ANKRD27: variants seen among roughly 807,000 people sequenced by gnomAD.
The protein encoded by ANKRD27 is ankyrin repeat domain-containing protein 27.
ANKRD27 carries 112 observed loss-of-function variants against 129.7 expected under a neutral mutation model. That is an observed-to-expected ratio of 0.86 (90% confidence interval 0.74 to 1.01). The LOEUF is 1.01. ANKRD27 is among the 50% of genes least tolerant of loss of function. The probability of loss-of-function intolerance (pLI) is 0.00; values close to 1 mark genes in which losing one functional copy is unlikely to be tolerated. For synonymous variants in ANKRD27, 516 were observed against 511.2 expected (o/e 1.01, Z -0.13); for missense variants, 1,258 against 1,300.5 (o/e 0.97, Z 0.50).
chr19:32,618,959 A>C (rs948994697), intron 20 of ANKRD27, among the ~76,000 whole-genome samples: 2 of 152,224 alleles, frequency 1.3e-5, no homozygotes, highest in African/African-American at 4.8e-5. Flanking sequence ...GCGGACTTCT[A>C]CATGACCTGA....
At position 32,644,488 on chromosome 19, in the gene ANKRD27, G is replaced by C. The variant is rs1247021076; in HGVS notation, c.371-9C>G. ...GGGTGCCAAAGGCTCTTCTGAAAAA[G>C]AAACAAACAGGTCAGGCCGGCTGAA... On this transcript the variant is annotated splice_polypyrimidine_tract_variant and intron_variant, in intron 4 of 28. Coordinates refer to ENST00000306065, the MANE Select transcript of ANKRD27 (RefSeq NM_032139.3). 1.2e-6 allele frequency: 2 copies of C among 1,612,418 alleles called. No homozygotes were observed. The highest frequency in any genetic ancestry group is 1.3e-5 in the African/African-American group (1 of 75,034).
At chr19:32,656,054 GA>G (rs1302268969) in intron 2 of ANKRD27, among the ~76,000 whole-genome samples, 9 of 35,672 alleles carry the variant, frequency 2.5e-4, no homozygotes, top group African/African-American at 9.2e-4. Context: ...AGAAAGAAAA[GA>G]AAGAAAAGAA....
intron 22 of ANKRD27, among the ~76,000 whole-genome samples, chr19:32,613,709 T>A (rs1217014466): frequency 6.7e-6 from 1 of 148,694 alleles, no homozygotes; most frequent in Non-Finnish European, 1.5e-5. Flanking sequence ...TATGTAACTT[T>A]TTTTTTTTTT....
At position 32,646,446 on chromosome 19, in the gene ANKRD27, T is replaced by C. The variant is rs1400710360; in HGVS notation, c.370+13A>G. 6.3e-7 allele frequency: 1 copy of C among 1,586,538 alleles called. No homozygotes were observed. The highest frequency in any genetic ancestry group is 1.1e-5 in the South Asian group (1 of 87,474). ...TCTAAAACAGGAGAAAAAGGTTTTT[T>C]CTCCCAGAATACCTGAACTCTCTCT... On this transcript the variant is annotated intron_variant, in intron 4 of 28. Transcript: ENST00000306065.
rs920173497 is a variant in ANKRD27, at chr19:32,621,384, T to C, written c.1827+1038A>G. 9.8e-5 allele frequency among the ~76,000 whole-genome samples: 15 copies of C among 152,328 alleles called. No individual in the cohort carries two copies. The South Asian group carries it at 3.1e-3, about 32-fold the overall frequency. On this transcript the variant is annotated intron_variant, in intron 18 of 28. Coordinates refer to ENST00000306065, the MANE Select transcript of ANKRD27 (RefSeq NM_032139.3). The stretch of plus-strand genomic sequence containing the variant: ...ACTCACACCTGTAATCCCAGTACTT[T>C]GGGAGGCCAAGGTGGGTGGATCACC...
chr19:32,654,658 T>TC (rs1254240393), intron 2 of ANKRD27, among the ~76,000 whole-genome samples: 1 of 80,200 alleles, frequency 1.2e-5, no homozygotes, highest in Non-Finnish European at 2.8e-5. Context: ...CCTCCCTGAT[T>TC]CTTTTTTTCT....
chr19:32,669,959 G>A (rs1967834987), intron 1 of ANKRD27, among the ~76,000 whole-genome samples: 1 of 149,562 alleles, frequency 6.7e-6, no homozygotes, highest in Admixed American at 6.7e-5. Context: ...TGGCGCCACT[G>A]CACTCCAGCC....
In ANKRD27 at chr19:32,643,362, C is replaced by A. The variant is rs772324002; in HGVS notation, c.640-10G>T. 1.2e-6 allele frequency: 2 copies of A among 1,613,922 alleles called. No individual in the cohort carries two copies. Among genetic ancestry groups the A allele is most frequent in the East Asian group, 4.5e-5 (2 of 44,866 alleles). ...CATGATGGACGTATATCTGTGGAAT[C>A]AACAGACCCCATTCAGGGTGTGAGC... On this transcript the variant is annotated splice_polypyrimidine_tract_variant and intron_variant, in intron 7 of 28. Coordinates refer to ENST00000306065, the MANE Select transcript of ANKRD27 (RefSeq NM_032139.3).
chr19:32,621,002 C>T (rs1972002964), intron 18 of ANKRD27, among the ~76,000 whole-genome samples: 1 of 151,668 alleles, frequency 6.6e-6, no homozygotes, highest in Non-Finnish European at 1.5e-5. Flanking sequence ...TCTCTAAACT[C>T]ATCAAGTTGT....
At position 32,622,003 on chromosome 19, in the gene ANKRD27, G is replaced by T. The variant is rs58610191; in HGVS notation, c.1827+419C>A. Among the ~76,000 whole-genome samples, 934 of 152,210 alleles carry T rather than the reference G, an allele frequency of 6.1e-3. 32 individuals carry two copies. The East Asian group carries it at 0.1, about 17-fold the overall frequency. On this transcript the variant is annotated intron_variant, in intron 18 of 28. Transcript: ENST00000306065. ...GTGAGCTCATTAACAAATTATGTAT[G>T]AAAGAAACCACACTCGATGTCCAGA...
chr19:32,642,207 TCTAA>T, intron 9 of ANKRD27, 62 bp from the exon 10 acceptor site: 1 of 1,434,806 alleles, frequency 7.0e-7, no homozygotes, highest in Non-Finnish European at 9.3e-7. Context: ...CTGGCCTGGA[TCTAA>T]GAACACATCT....
At chr19:32,643,770 T>C in intron 5 of ANKRD27, 139 bp from the exon 6 acceptor site, 1 of 801,548 alleles carries the variant, frequency 1.2e-6, no homozygotes, top group Non-Finnish European at 2.0e-6. Context: ...TCTCAACTTT[T>C]TTTTTAGGTG....
intron 11 of ANKRD27, 126 bp from the exon 12 acceptor site, chr19:32,639,614 A>G: frequency 1.1e-6 from 1 of 951,674 alleles, no homozygotes; most frequent in South Asian, 1.5e-5. Context: ...AGCTACGACC[A>G]CCATCCCCTG....
intron 12 of ANKRD27, 63 bp downstream of exon 12, chr19:32,639,293 A>T: frequency 6.2e-7 from 1 of 1,606,170 alleles, no homozygotes; most frequent in Non-Finnish European, 8.5e-7. Context: ...TACCAACCCC[A>T]GCACCCTATC....
chr19:32,606,246 A>G (rs914193149), intron 23 of ANKRD27, among the ~76,000 whole-genome samples: 23 of 147,682 alleles, frequency 1.6e-4, no homozygotes, highest in African/African-American at 5.5e-4. Context: ...TCCGCCTCCC[A>G]GGTTCAACTG....
At chr19:32,601,497 T>C (rs550245296) in intron 26 of ANKRD27, among the ~76,000 whole-genome samples, 7 of 145,516 alleles carry the variant, frequency 4.8e-5, no homozygotes, top group African/African-American at 1.8e-4. Context: ...TACTTGAGAG[T>C]GGGAGGCAGC....
At chr19:32,626,885 T>A in intron 15 of ANKRD27, 58 bp from the exon 16 acceptor site, 1 of 1,236,036 alleles carries the variant, frequency 8.1e-7, no homozygotes, top group Non-Finnish European at 1.2e-6. Flanking sequence ...TTCCACACCT[T>A]AACTGTAAAA....
At chr19:32,639,198 T>C (rs1967147150) in intron 12 of ANKRD27, 158 bp downstream of exon 12, 1 of 829,360 alleles carries the variant, frequency 1.2e-6, no homozygotes, top group Non-Finnish European at 1.9e-6. Flanking sequence ...GGTGTTCTCT[T>C]CACTGAGTGA....
At chr19:32,604,121 G>T in intron 25 of ANKRD27, 142 bp downstream of exon 25, 1 of 878,830 alleles carries the variant, frequency 1.1e-6, no homozygotes, top group Non-Finnish European at 1.6e-6. Context: ...CCACGCTGTG[G>T]ACTTCTGGCA....
Sources: gnomAD v4.1 joint callset for allele counts (sites outside exome capture counted in the v4.1 genomes callset) on GRCh38, gnomAD v4.1.1 for gene constraint, MANE v1.5 for transcripts, NCBI Gene and HGNC (gene_info 2026-07-23, HGNC 2026-07-21) for gene names.